Variants in LRP1B observed in about 807,000 individuals in gnomAD.
LRP1B encodes LDL receptor related protein 1B.
Under a neutral mutation model 556.6 loss-of-function variants are expected in LRP1B, and 217 were observed. The ratio of observed to expected loss-of-function variants is 0.39; its 90% CI spans 0.35 to 0.44. The LOEUF is 0.44. Among genes scored for constraint, LRP1B ranks in the 20% least tolerant of loss-of-function variants. The pLI, the probability that LRP1B is intolerant of heterozygous loss-of-function variation, is 1.00. For synonymous variants in LRP1B, 2,047 were observed against 1,865.8 expected, an observed-to-expected ratio of 1.10 and a Z score of -2.50; for missense variants, 5,053 against 5,620.8, an observed-to-expected ratio of 0.90 and a Z score of 3.23.
rs566381131 is a variant in LRP1B at position 140,526,794 on chromosome 2, C to T, written c.7763-444G>A. On this transcript the variant is annotated intron_variant, in intron 47 of 90. Coordinates refer to ENST00000389484, the MANE Select transcript of LRP1B (RefSeq NM_018557.3). Reference sequence around the variant, plus strand: ...AGTAGGCAAATGCCTGATTAAATGCCTACTGGGAAATCCCAACCTGGTTGC... The same window carrying T: ...AGTAGGCAAATGCCTGATTAAATGCTTACTGGGAAATCCCAACCTGGTTGC... 3.0e-4 allele frequency among the ~76,000 whole-genome samples: 46 copies of T among 151,712 alleles called. No homozygotes were observed. In the South Asian group the frequency reaches 9.3e-3, roughly 31 times the overall value.
chr2:141,152,156 G>A (rs1163369697), intron 7 of LRP1B, among the ~76,000 whole-genome samples: 1 of 151,754 alleles, frequency 6.6e-6, no homozygotes, highest in South Asian at 2.1e-4. Context: ...AGGAGGAGAA[G>A]CCTGGATTAA....
chr2:141,878,250 C>A (rs963514429), intron 1 of LRP1B, among the ~76,000 whole-genome samples: 1 of 151,780 alleles, frequency 6.6e-6, no homozygotes, highest in African/African-American at 2.4e-5. Context: ...TGAGTGGGTT[C>A]AGAAGACACC....
chr2:141,060,127 G>A (rs962084255), intron 8 of LRP1B, among the ~76,000 whole-genome samples: 2 of 151,742 alleles, frequency 1.3e-5, no homozygotes, highest in Admixed American at 6.6e-5. Flanking sequence ...CAGTTCTATA[G>A]TTTAAACAAA....
chr2:140,385,992 G>T lies in LRP1B; in HGVS notation c.10432C>A (p.Pro3478Thr). 6.2e-7 allele frequency: 1 copy of T among 1,609,922 alleles called. No individual in the cohort carries two copies. The highest frequency in any genetic ancestry group is 8.5e-7 in the Non-Finnish European group (1 of 1,176,624). Residue 3478 changes from proline to threonine, a missense_variant, in exon 67 of 91, where the codon CCT becomes ACT. Pro to Thr is a conservative substitution (Grantham distance 38). Around this residue, in one of 5 missense-constraint regions of LRP1B, gnomAD observed 262 missense variants for 395.1 expected, o/e 0.66. Transcript: ENST00000389484. ...TTGTTTTTACACTGGAATTCATGAG[G>T]TCCACAAGTCTTTTTATCTGTAATG... ...EANCDKKTCG[P>T]HEFQCKNNNC...
At chr2:141,572,719 T>C (rs1171087630) in intron 2 of LRP1B, among the ~76,000 whole-genome samples, 1 of 151,538 alleles carries the variant, frequency 6.6e-6, no homozygotes, top group African/African-American at 2.4e-5. Context: ...AGGCTCAAAA[T>C]AAAGGAATGG....
intron 1 of LRP1B, among the ~76,000 whole-genome samples, chr2:141,964,127 C>A (rs1024624657): frequency 6.7e-6 from 1 of 149,538 alleles, no homozygotes; most frequent in Non-Finnish European, 1.5e-5. Context: ...ATTCCATGCT[C>A]ATGGGTAGGA....
At chr2:141,162,946 CAGA>C (rs750879673) in intron 7 of LRP1B, among the ~76,000 whole-genome samples, 2 of 152,094 alleles carry the variant, frequency 1.3e-5, no homozygotes, top group African/African-American at 4.8e-5. Flanking sequence ...ATCAGACATG[CAGA>C]AGAAGCCAAG....
At chr2:141,146,675 T>G (rs1262248664) in intron 7 of LRP1B, among the ~76,000 whole-genome samples, 1 of 152,192 alleles carries the variant, frequency 6.6e-6, no homozygotes, top group Non-Finnish European at 1.5e-5. Context: ...GACACGTACA[T>G]GTGCTTGATT....
intron 1 of LRP1B, among the ~76,000 whole-genome samples, chr2:141,843,848 A>G (rs1463690606): frequency 6.6e-6 from 1 of 152,108 alleles, no homozygotes; most frequent in Non-Finnish European, 1.5e-5. Context: ...AGTCAGTATG[A>G]GTGGAGAGAC....
intron 3 of LRP1B, among the ~76,000 whole-genome samples, chr2:141,362,547 T>C (rs1166430020): frequency 6.6e-6 from 1 of 152,228 alleles, no homozygotes; most frequent in African/African-American, 2.4e-5. Context: ...GCTTATTGCA[T>C]CAGCTGGAAT....
chr2:141,724,304 T>C (rs1460217847), intron 2 of LRP1B, among the ~76,000 whole-genome samples: 1 of 151,956 alleles, frequency 6.6e-6, no homozygotes, highest in Non-Finnish European at 1.5e-5. Flanking sequence ...CTCTTCTAAT[T>C]AAATTATTTT....
chr2:140,996,901 T>C (rs1188708079), intron 15 of LRP1B, among the ~76,000 whole-genome samples: 1 of 151,986 alleles, frequency 6.6e-6, no homozygotes, highest in Admixed American at 6.6e-5. Context: ...TCTGTTCCAG[T>C]GCATAATGTG....
chr2:140,493,556 A>C (rs1688791744), intron 56 of LRP1B, among the ~76,000 whole-genome samples: 1 of 148,086 alleles, frequency 6.8e-6, no homozygotes, highest in African/African-American at 2.5e-5. Context: ...CATTTGGTGA[A>C]TAATTTGCCC....
intron 37 of LRP1B, among the ~76,000 whole-genome samples, chr2:140,711,039 T>C (rs1461980689): frequency 6.6e-6 from 1 of 152,060 alleles, no homozygotes; most frequent in Non-Finnish European, 1.5e-5. Context: ...TAGAAGAGAA[T>C]GATTTTTGCA....
chr2:141,742,683 T>C (rs1693756003), intron 2 of LRP1B, among the ~76,000 whole-genome samples: 1 of 152,182 alleles, frequency 6.6e-6, no homozygotes, highest in Admixed American at 6.5e-5. Context: ...TGGGAATTGA[T>C]TGAATCTGTA....
At chr2:140,811,583 A>G (rs1205198124) in intron 32 of LRP1B, among the ~76,000 whole-genome samples, 6 of 152,140 alleles carry the variant, frequency 3.9e-5, no homozygotes, top group Non-Finnish European at 8.8e-5. Flanking sequence ...CATAAAGTAC[A>G]TTGGAAATAA....
rs2105198715 is a variant in LRP1B at position 140,601,529 on chromosome 2, C to T, written c.6910G>A (p.Gly2304Arg). 6.2e-7 allele frequency: 1 copy of T among 1,613,242 alleles called. No individual in the cohort carries two copies. The highest frequency in any genetic ancestry group is 1.1e-5 in the South Asian group (1 of 91,042). The change falls in exon 42 of 91, where the codon GGA becomes AGA. Residue 2304 changes from glycine (G) to arginine (R), a missense_variant. By Grantham distance (125) the Gly-to-Arg change is moderately radical (BLOSUM62 -2). Transcript: ENST00000389484. The part of the protein sequence containing the change: ...TRHTVDQTRP[G>R]AFDREAVITM... ...ATGACAGCTTCCCTGTCAAATGCTCCAGGCCGAGTCTGGTCCACAGTGTGT... is the reference window on the plus strand; with the variant it reads ...ATGACAGCTTCCCTGTCAAATGCTCTAGGCCGAGTCTGGTCCACAGTGTGT...
At chr2:141,489,911 T>C (rs1324827024) in intron 2 of LRP1B, among the ~76,000 whole-genome samples, 1 of 152,160 alleles carries the variant, frequency 6.6e-6, no homozygotes, top group African/African-American at 2.4e-5. Context: ...TAATAGTAAC[T>C]CACTCAAATC....
intron 43 of LRP1B, among the ~76,000 whole-genome samples, chr2:140,594,545 A>T (rs1407140501): frequency 6.6e-6 from 1 of 152,192 alleles, no homozygotes; most frequent in African/African-American, 2.4e-5. Context: ...TCGAGGGCAC[A>T]CAAGGTCTAA....
Sources: gnomAD v4.1 joint callset for allele counts (sites outside exome capture counted in the v4.1 genomes callset) on GRCh38, gnomAD v4.1.1 for gene constraint, gnomAD v4.1.1 regional missense constraint, MANE v1.5 for transcripts, NCBI Gene and HGNC (gene_info 2026-07-23, HGNC 2026-07-21) for gene names.